PTPRH: variants seen among roughly 807,000 people sequenced by gnomAD.
The protein encoded by PTPRH is receptor-type tyrosine-protein phosphatase H.
Under a neutral mutation model 130.2 loss-of-function variants are expected in PTPRH, and 113 were observed. That is an observed-to-expected ratio of 0.87 (90% CI 0.75 to 1.01). PTPRH has a LOEUF of 1.01. Among genes scored for constraint, PTPRH ranks in the 50% least tolerant of loss-of-function variants. PTPRH has a pLI of 0.00. For synonymous variants in PTPRH, 556 were observed against 577.9 expected (o/e 0.96, Z 0.54); for missense variants, 1,430 against 1,425.0 (o/e 1.00, Z -0.06).
Position 55,198,806 on chromosome 19 carries a change from C to T in PTPRH, c.1527G>A (p.Trp509Ter), listed in dbSNP as rs770047441. 11 of 1,611,406 alleles carry T rather than the reference C, an allele frequency of 6.8e-6. No homozygotes were observed. The highest frequency in any genetic ancestry group is 9.3e-6 in the Non-Finnish European group (11 of 1,178,578). The change falls in exon 8 of 20, where the codon TGG (tryptophan) becomes TGA (stop). Residue 509 changes from tryptophan (W) to a stop codon, truncating the protein, a stop_gained. Transcript: ENST00000376350. LOFTEE classifies it high-confidence loss of function. The stretch of plus-strand genomic sequence containing the variant: ...TCATGCCTTCCCTGACCCATGAGAC[C>T]CAGTAGCTGTAGGAAGACTGGCCTG... ...QGPGQSSYSY[W>*]VSWVREGMTD...
chr19:55,205,197 C>T, intron 4 of PTPRH, 129 bp downstream of exon 4: 1 of 1,421,386 alleles, frequency 7.0e-7, no homozygotes, highest in Non-Finnish European at 9.6e-7. Flanking sequence ...CTGAGACTGC[C>T]CCAGGATGTG....
At chr19:55,205,073 C>A (rs2087000534) in intron 4 of PTPRH, among the ~76,000 whole-genome samples, 1 of 152,138 alleles carries the variant, frequency 6.6e-6, no homozygotes, top group Admixed American at 6.6e-5. Context: ...GCCTTGGCCC[C>A]TACACATTCC....
At chr19:55,201,948 T>G in intron 6 of PTPRH, 108 bp downstream of exon 6, 1 of 1,516,670 alleles carries the variant, frequency 6.6e-7, no homozygotes, top group Non-Finnish European at 8.9e-7. Context: ...CATGAGTACC[T>G]GGCTCAATAT....
chr19:55,196,888 C>T (rs1024757119), intron 9 of PTPRH, 100 bp from the exon 10 acceptor site: 78 of 1,430,948 alleles, frequency 5.5e-5, no homozygotes, highest in Non-Finnish European at 6.8e-5. Context: ...ATCCCTTCCT[C>T]GCCAAATCCA....
chr19:55,185,843 C>T lies in PTPRH; in HGVS notation c.2901+19G>A, dbSNP rs372625554. The T allele has an allele frequency of 4.2e-5, 67 of 1,613,828 alleles. 1 individual carries two copies. The highest frequency in any genetic ancestry group is 1.3e-4 in the Admixed American group (8 of 59,982). On this transcript the variant is annotated intron_variant, in intron 17 of 19. Transcript: ENST00000376350. ...CACAGGGGAAGGCTGAGGGCCAGGA[C>T]GGGGCTGGACACACGCACCTGGAGG...
At chr19:55,194,533 C>T (rs756129855) in intron 10 of PTPRH, among the ~76,000 whole-genome samples, 1 of 152,150 alleles carries the variant, frequency 6.6e-6, no homozygotes, top group African/African-American at 2.4e-5. Context: ...ATTGGAGACC[C>T]AATCTCATAA....
intron 8 of PTPRH, 81 bp downstream of exon 8, chr19:55,198,562 C>G: frequency 7.0e-7 from 1 of 1,423,418 alleles, no homozygotes; most frequent in Non-Finnish European, 9.3e-7. Flanking sequence ...CTCTTCATCT[C>G]CCAAGGAGCT....
At chr19:55,195,309 G>T (rs186256376) in intron 10 of PTPRH, among the ~76,000 whole-genome samples, 1 of 151,278 alleles carries the variant, frequency 6.6e-6, no homozygotes, top group African/African-American at 2.4e-5. Context: ...TGGGCGACAA[G>T]AGTGAAACTC....
intron 12 of PTPRH, chr19:55,189,713 G>T (rs561984995): frequency 6.6e-6 from 3 of 456,010 alleles, no homozygotes; most frequent in South Asian, 4.6e-5. Flanking sequence ...GGGTGCAGCG[G>T]CTCACGCCTG....
intron 6 of PTPRH, among the ~76,000 whole-genome samples, chr19:55,200,785 T>C (rs895129688): frequency 4.6e-5 from 7 of 151,372 alleles, no homozygotes; most frequent in African/African-American, 1.7e-4. Context: ...CTACTAAAAA[T>C]ACAAAAAATT....
intron 10 of PTPRH, among the ~76,000 whole-genome samples, chr19:55,195,792 A>G (rs1420332972): frequency 6.6e-6 from 1 of 151,906 alleles, no homozygotes; most frequent in African/African-American, 2.4e-5. Context: ...ACTGGTCTCG[A>G]ACTCCTGAGC....
intron 2 of PTPRH, 78 bp downstream of exon 2, chr19:55,207,088 G>T: frequency 6.3e-7 from 1 of 1,592,308 alleles, no homozygotes; most frequent in Non-Finnish European, 8.6e-7. Flanking sequence ...TGGACCCCAC[G>T]GGGACCCCCC....
In PTPRH at chr19:55,185,576, C is replaced by G. The variant is rs746884948; in HGVS notation, c.2988G>C (p.Leu996Phe). 14 of 1,614,074 alleles carry G rather than the reference C, an allele frequency of 8.7e-6. No homozygotes were observed. The highest frequency in any genetic ancestry group is 1.2e-5 in the Non-Finnish European group (14 of 1,180,048). ...DHGVPSSPDT[L>F]LAFWRMLRQW... The stretch of plus-strand genomic sequence containing the variant: ...GCCGAAGCATCCTCCAGAAAGCCAG[C>G]AAGGTGTCTGGGGAGGAGGGAACGC... The change falls in exon 18 of 20, where the codon TTG becomes TTC. Residue 996 changes from leucine (L) to phenylalanine (F), a missense_variant. Coordinates refer to ENST00000376350, the MANE Select transcript of PTPRH (RefSeq NM_002842.5).
chr19:55,195,526 A>G (rs1276005597), intron 10 of PTPRH, among the ~76,000 whole-genome samples: 1 of 152,060 alleles, frequency 6.6e-6, no homozygotes, highest in Non-Finnish European at 1.5e-5. Flanking sequence ...AAAACAAATT[A>G]TGCTCAGTGA....
chr19:55,198,687 C>T lies in PTPRH; in HGVS notation c.1646G>A (p.Arg549Lys). The T allele has an allele frequency of 1.2e-6, 2 of 1,613,710 alleles. No homozygotes were observed. Among genetic ancestry groups the T allele is most frequent in the Non-Finnish European group, 1.7e-6 (2 of 1,179,796 alleles). The change falls in exon 8 of 20, where the codon AGG becomes AAG. Residue 549 changes from arginine to lysine, a missense_variant. By Grantham distance (26) the Arg-to-Lys change is conservative. Coordinates refer to ENST00000376350, the MANE Select transcript of PTPRH (RefSeq NM_002842.5). Reference sequence around the variant, plus strand: ...GCTGTTATAGCCTCTGACCTCATTCCTCTCGGCCCAGACGGTGAGGTGGTA... The same window carrying T: ...GCTGTTATAGCCTCTGACCTCATTCTTCTCGGCCCAGACGGTGAGGTGGTA... The part of the protein sequence containing the change: ...SLYHLTVWAE[R>K]NEVRGYNSTL...
Position 55,205,577 on chromosome 19 carries a change from C to T in PTPRH, c.368G>A (p.Arg123Lys), listed in dbSNP as rs369131061. ...GGTCTGAGCCTCCACTCTCAGGTTC[C>T]TCACTGGGTTGGGAGCTGAAAACCA... Reference protein sequence around the residue: ...VTTATAPNPVRNLRVEAQTNS... With the variant: ...VTTATAPNPVKNLRVEAQTNS... The change falls in exon 4 of 20, where the codon AGG (arginine) becomes AAG (lysine). Residue 123 changes from arginine (R) to lysine (K), a missense_variant. Arg to Lys is a conservative substitution (Grantham distance 26). Transcript: ENST00000376350. 58 of 1,614,202 alleles carry T rather than the reference C, an allele frequency of 3.6e-5. No homozygotes were observed. The highest frequency in any genetic ancestry group is 2.7e-4 in the Admixed American group (16 of 60,028).
intron 7 of PTPRH, among the ~76,000 whole-genome samples, chr19:55,199,659 AAGAAAGAAAGAGAAAAG>A (rs1292415400): frequency 6.6e-6 from 1 of 150,978 alleles, no homozygotes; most frequent in African/African-American, 2.4e-5. Context: ...AAGGAAGGAA[AAGAAAGAAAGAGAAAAG>A]AGAAAGAAAG....
chr19:55,181,632 C>G lies in PTPRH; in HGVS notation c.*122G>C, dbSNP rs574157013. The G allele has an allele frequency of 1.5e-6, 2 of 1,369,096 alleles. No individual in the cohort carries two copies. The highest frequency in any genetic ancestry group is 2.9e-5 in the African/African-American group (2 of 69,098). 84.8% of individuals were successfully genotyped at this position (1,369,096 alleles called of 1,614,324 possible). On this transcript the variant is annotated 3_prime_UTR_variant, in exon 20 of 20. Transcript: ENST00000376350. ...GGAAACCAGAGTTTGGGATACCAGC[C>G]CCCTCCTCCCACAGCACCCAGGAGT...
intron 18 of PTPRH, among the ~76,000 whole-genome samples, chr19:55,184,306 TAAATA>T (rs148636897): frequency 0.071 from 10,661 of 150,348 alleles, 490 homozygotes; most frequent in Middle Eastern, 0.13. Context: ...AACAAATAAA[TAAATA>T]AAATAAAATA....
Sources: allele counts gnomAD v4.1 joint callset (sites outside exome capture counted in the v4.1 genomes callset), GRCh38; gene constraint gnomAD v4.1.1; transcripts MANE v1.5; gene names NCBI Gene and HGNC (gene_info 2026-07-23, HGNC 2026-07-21).